AGBL4: variants seen among roughly 807,000 people sequenced by gnomAD.
AGBL4 encodes the protein cytosolic carboxypeptidase 6.
Under a neutral mutation model 66.4 loss-of-function variants are expected in AGBL4, and 58 were observed. The observed-to-expected ratio is 0.87, with a 90% confidence interval of 0.71 to 1.09. The LOEUF is 1.09. AGBL4 is among the 50% of genes least tolerant of loss of function. The pLI is 0.00. For missense variants in AGBL4, 579 were observed against 631.0 expected, an observed-to-expected ratio of 0.92 and a Z score of 0.88; for synonymous variants, 234 against 222.9, an observed-to-expected ratio of 1.05 and a Z score of -0.44.
intron 3 of AGBL4, among the ~76,000 whole-genome samples, chr1:49,541,882 A>G (rs1406734636): frequency 4.6e-5 from 7 of 152,210 alleles, no homozygotes; most frequent in Non-Finnish European, 8.8e-5. Flanking sequence ...AAATGCACCA[A>G]TCAGCACTCT....
intron 3 of AGBL4, among the ~76,000 whole-genome samples, chr1:49,405,166 C>G (rs1008273297): frequency 6.6e-6 from 1 of 152,212 alleles, no homozygotes; most frequent in Non-Finnish European, 1.5e-5. Flanking sequence ...AATTCAGAAC[C>G]TCAGTATCCT....
intron 2 of AGBL4, among the ~76,000 whole-genome samples, chr1:49,754,538 A>T (rs1651747105): frequency 6.6e-6 from 1 of 152,130 alleles, no homozygotes; most frequent in Admixed American, 6.5e-5. Flanking sequence ...AACAGCAAAG[A>T]TTGCTGCCTG....
chr1:49,733,042 G>A (rs921634560), intron 2 of AGBL4, among the ~76,000 whole-genome samples: 2 of 151,938 alleles, frequency 1.3e-5, no homozygotes, highest in African/African-American at 4.8e-5. Context: ...ATTAAAAAGG[G>A]GAAATAACTT....
At chr1:48,568,091 C>T (rs557160066) in intron 11 of AGBL4, among the ~76,000 whole-genome samples, 11 of 152,300 alleles carry the variant, frequency 7.2e-5, no homozygotes, top group African/African-American at 2.2e-4. Flanking sequence ...TATTCGGGCC[C>T]TCAAGCCCCA....
chr1:48,971,523 T>A (rs1483414528), intron 5 of AGBL4, among the ~76,000 whole-genome samples: 2 of 152,170 alleles, frequency 1.3e-5, no homozygotes, highest in African/African-American at 4.8e-5. Flanking sequence ...ATATGGACGG[T>A]TGACTTAAAT....
At chr1:49,973,344 T>C (rs1658291491) in intron 1 of AGBL4, among the ~76,000 whole-genome samples, 1 of 152,158 alleles carries the variant, frequency 6.6e-6, no homozygotes, top group South Asian at 2.1e-4. Flanking sequence ...TACATACCTG[T>C]GACTATTTAA....
chr1:49,373,555 C>T (rs1644410444), intron 3 of AGBL4, among the ~76,000 whole-genome samples: 1 of 152,132 alleles, frequency 6.6e-6, no homozygotes, highest in African/African-American at 2.4e-5. Context: ...AATAGGTTAA[C>T]ATAGAGGGCA....
intron 3 of AGBL4, among the ~76,000 whole-genome samples, chr1:49,567,698 C>T (rs1224096790): frequency 6.6e-6 from 1 of 152,142 alleles, no homozygotes; most frequent in East Asian, 1.9e-4. Flanking sequence ...CATGCATTAG[C>T]TATTTTTCCT....
chr1:49,231,355 A>G (rs1051971178), intron 4 of AGBL4, among the ~76,000 whole-genome samples: 2 of 152,186 alleles, frequency 1.3e-5, no homozygotes, highest in African/African-American at 2.4e-5. Context: ...ATTAAGCGCA[A>G]TACTTAGGAG....
At chr1:49,707,141 G>A (rs1266928284) in intron 2 of AGBL4, among the ~76,000 whole-genome samples, 2 of 151,948 alleles carry the variant, frequency 1.3e-5, no homozygotes, top group African/African-American at 4.8e-5. Context: ...ATTGACAGTG[G>A]GGTGTTAAAG....
intron 5 of AGBL4, among the ~76,000 whole-genome samples, chr1:48,876,799 T>C (rs1649279820): frequency 6.6e-6 from 1 of 152,228 alleles, no homozygotes; most frequent in Non-Finnish European, 1.5e-5. Context: ...TTTTAGCTTA[T>C]TGACAGAGCA....
At chr1:48,719,735 T>A (rs1341120432) in intron 6 of AGBL4, among the ~76,000 whole-genome samples, 1 of 152,240 alleles carries the variant, frequency 6.6e-6, no homozygotes, top group Non-Finnish European at 1.5e-5. Flanking sequence ...GGTATAGTTA[T>A]AAGTGCATTT....
chr1:49,964,134 G>A (rs1474136452), intron 1 of AGBL4, among the ~76,000 whole-genome samples: 1 of 152,024 alleles, frequency 6.6e-6, no homozygotes, highest in Non-Finnish European at 1.5e-5. Flanking sequence ...GCGGATTCAG[G>A]ATTCTTCCTT....
intron 6 of AGBL4, among the ~76,000 whole-genome samples, chr1:48,864,739 A>C (rs561231532): frequency 6.6e-6 from 1 of 152,266 alleles, no homozygotes; most frequent in African/African-American, 2.4e-5. Context: ...ATAAGGAAAA[A>C]CATTGAATTC....
intron 6 of AGBL4, chr1:48,776,872 C>A: frequency 8.0e-7 from 1 of 1,248,858 alleles, no homozygotes; most frequent in Non-Finnish European, 1.0e-6. Flanking sequence ...CAGCTCAGCC[C>A]GCGGGGCGGG....
chr1:49,912,747 A>C (rs1397139740), intron 1 of AGBL4, among the ~76,000 whole-genome samples: 1 of 152,214 alleles, frequency 6.6e-6, no homozygotes, highest in Admixed American at 6.5e-5. Flanking sequence ...AAGAAAAAAA[A>C]ACACCTTATT....
At chr1:49,011,625 C>G (rs1426562274) in intron 5 of AGBL4, among the ~76,000 whole-genome samples, 4 of 152,042 alleles carry the variant, frequency 2.6e-5, no homozygotes, top group Admixed American at 6.6e-5. Flanking sequence ...AGACTTGGAA[C>G]CAACCCAAAT....
At chr1:48,753,674 G>A (rs551099027) in intron 6 of AGBL4, among the ~76,000 whole-genome samples, 1 of 152,254 alleles carries the variant, frequency 6.6e-6, no homozygotes, top group Admixed American at 6.5e-5. Context: ...TAGCCAACAG[G>A]ACATTTTCTC....
At chr1:48,599,211 A>G (rs949521001) in intron 9 of AGBL4, among the ~76,000 whole-genome samples, 1 of 152,212 alleles carries the variant, frequency 6.6e-6, no homozygotes, top group African/African-American at 2.4e-5. Flanking sequence ...GAGACTTTTT[A>G]GAGTTAACTT....
Sources: allele counts gnomAD v4.1 joint callset (sites outside exome capture counted in the v4.1 genomes callset), GRCh38; gene constraint gnomAD v4.1.1; transcripts MANE v1.5; gene names NCBI Gene and HGNC (gene_info 2026-07-23, HGNC 2026-07-21).